HDX: variants seen among roughly 807,000 people sequenced by gnomAD.
The protein encoded by HDX is highly divergent homeobox.
Under a neutral mutation model 45.2 loss-of-function variants are expected in HDX, and 19 were observed. The ratio of observed to expected loss-of-function variants is 0.42; its 90% CI spans 0.29 to 0.62. HDX has a LOEUF of 0.62. Among genes scored for constraint, HDX ranks in the 20% least tolerant of loss-of-function variants. The pLI, the probability that HDX is intolerant of heterozygous loss-of-function variation, is 0.20. For synonymous variants in HDX, 188 were observed against 172.8 expected (o/e 1.09, Z -0.69); for missense variants, 532 against 493.9 (o/e 1.08, Z -0.73).
chrX:84,333,407 C>T (rs6623001), intron 9 of HDX, among the ~76,000 whole-genome samples: 7,305 of 110,771 alleles, frequency 0.066, 356 homozygotes, highest in East Asian at 0.34. Flanking sequence ...ATAAAATTAG[C>T]AAAGTCCACT....
At chrX:84,500,942 A>C in intron 1 of HDX, among the ~76,000 whole-genome samples, 1 of 111,847 alleles carries the variant, frequency 8.9e-6, no homozygotes, top group Non-Finnish European at 1.9e-5. Context: ...GATTTGGGGC[A>C]CAGGTGAAGA....
At chrX:84,366,772 G>C (rs1388302674) in intron 5 of HDX, among the ~76,000 whole-genome samples, 2 of 111,792 alleles carry the variant, frequency 1.8e-5, no homozygotes, top group South Asian at 7.4e-4. Context: ...TTAATAAATG[G>C]TGTTGGGAAA....
At chrX:84,468,153 C>T (rs950317777) in intron 4 of HDX, among the ~76,000 whole-genome samples, 1 of 111,170 alleles carries the variant, frequency 9.0e-6, no homozygotes, top group Non-Finnish European at 1.9e-5. Flanking sequence ...AGATCATGAG[C>T]CCGACCAATT....
chrX:84,345,286 T>C (rs774334499), intron 6 of HDX, among the ~76,000 whole-genome samples: 1 of 111,603 alleles, frequency 9.0e-6, no homozygotes, highest in East Asian at 2.8e-4. Context: ...TCTATGTCCC[T>C]TTATCACACC....
intron 5 of HDX, among the ~76,000 whole-genome samples, chrX:84,400,396 C>T (rs1292899795): frequency 9.2e-6 from 1 of 108,345 alleles, no homozygotes; most frequent in African/African-American, 3.4e-5. Context: ...CACAAGCATT[C>T]ATATACAATA....
chrX:84,385,748 C>A (rs2038303324), intron 5 of HDX, among the ~76,000 whole-genome samples: 1 of 107,371 alleles, frequency 9.3e-6, no homozygotes, highest in Non-Finnish European at 1.9e-5. Context: ...TTCTAGTTGC[C>A]TTTTTTTTAC....
At chrX:84,395,714 T>A in intron 5 of HDX, among the ~76,000 whole-genome samples, 1 of 111,840 alleles carries the variant, frequency 8.9e-6, no homozygotes, top group East Asian at 2.8e-4. Flanking sequence ...CAAATTTGAA[T>A]ATTTGGTCCC....
intron 9 of HDX, among the ~76,000 whole-genome samples, chrX:84,327,210 G>A (rs2036732607): frequency 9.0e-6 from 1 of 111,593 alleles, no homozygotes; most frequent in Admixed American, 9.5e-5. Flanking sequence ...TAAAACAACT[G>A]GACTAATATT....
chrX:84,349,625 A>G (rs1477056117), intron 6 of HDX, among the ~76,000 whole-genome samples: 1 of 96,527 alleles, frequency 1.0e-5, no homozygotes, highest in Non-Finnish European at 2.0e-5. Context: ...ATATATATAT[A>G]TATATAAACA....
intron 9 of HDX, among the ~76,000 whole-genome samples, chrX:84,327,774 TA>T (rs891799879): frequency 8.8e-4 from 98 of 110,987 alleles, no homozygotes; most frequent in African/African-American, 3.2e-3. Context: ...TATGGAACTT[TA>T]AAAAAAAGAA....
At chrX:84,337,130 A>G (rs2036983621) in intron 7 of HDX, among the ~76,000 whole-genome samples, 2 of 110,447 alleles carry the variant, frequency 1.8e-5, no homozygotes, top group African/African-American at 6.6e-5. Flanking sequence ...TGTATCCTTA[A>G]CAATGGAGGA....
At chrX:84,352,555 C>T (rs999627389) in intron 6 of HDX, among the ~76,000 whole-genome samples, 6 of 111,253 alleles carry the variant, frequency 5.4e-5, no homozygotes, top group Non-Finnish European at 1.1e-4. Context: ...TTGGTACAGG[C>T]ATGCAAAGCA....
chrX:84,419,697 A>T (rs1463427063), intron 5 of HDX, among the ~76,000 whole-genome samples: 1 of 112,037 alleles, frequency 8.9e-6, no homozygotes, highest in Non-Finnish European at 1.9e-5. Flanking sequence ...TGGTTACAGC[A>T]GGACTTAGGT....
Position 84,469,148 on chromosome X carries a change from T to G in HDX, c.575A>C (p.His192Pro). ...AGAGTTTCCATAGTTTTTCTTTGCGTGATTGAATACTGAGTTTCCAGCATT... is the reference window on the plus strand; with the variant it reads ...AGAGTTTCCATAGTTTTTCTTTGCGGGATTGAATACTGAGTTTCCAGCATT... The part of the protein sequence containing the change: ...VLNAGNSVFN[H>P]AKKNYGNSSV... Residue 192 changes from histidine to proline, a missense_variant, in exon 4 of 11, where the codon CAC becomes CCC. Transcript: ENST00000373177. 8.3e-7 allele frequency: 1 copy of G among 1,208,238 alleles called. No homozygotes were observed. Among genetic ancestry groups the G allele is most frequent in the East Asian group, 3.0e-5 (1 of 33,750 alleles).
At chrX:84,337,055 G>A (rs1026214501) in intron 7 of HDX, among the ~76,000 whole-genome samples, 175 bp from the exon 8 acceptor site, 26 of 110,804 alleles carry the variant, frequency 2.3e-4, no homozygotes, top group African/African-American at 8.5e-4. Context: ...AAATAAGTAG[G>A]GATGGGGGCA....
chrX:84,434,239 T>G (rs1324149455), intron 5 of HDX, among the ~76,000 whole-genome samples: 1 of 110,846 alleles, frequency 9.0e-6, no homozygotes, highest in Non-Finnish European at 1.9e-5. Flanking sequence ...TTGATAAAAG[T>G]GGGAATCTTT....
chrX:84,460,159 A>G (rs1311462740), intron 4 of HDX, among the ~76,000 whole-genome samples: 1 of 111,783 alleles, frequency 8.9e-6, no homozygotes, highest in Non-Finnish European at 1.9e-5. Context: ...ATAGACGATA[A>G]GAACACACTT....
intron 4 of HDX, among the ~76,000 whole-genome samples, chrX:84,464,867 C>CT (rs1360551330): frequency 9.0e-6 from 1 of 111,725 alleles, no homozygotes; most frequent in African/African-American, 3.3e-5. Flanking sequence ...GCAAAAGAAA[C>CT]TATCATCAGA....
In HDX at chrX:84,355,773, G is replaced by T. The variant is rs189229976; in HGVS notation, c.1452+5693C>A. On this transcript the variant is annotated intron_variant, in intron 6 of 10. Transcript: ENST00000373177. ...TACCTAATGTAAATGACGAGTTAAT[G>T]AGTGCAGCACACCAACATGGCACAA... is the stretch of plus-strand genomic sequence containing the variant. Among the ~76,000 whole-genome samples the T allele has an allele frequency of 4.5e-3, 495 of 109,501 alleles. 1 individual carries two copies. Among genetic ancestry groups the T allele is most frequent in the South Asian group, 0.017 (42 of 2,467 alleles).
Sources: allele counts gnomAD v4.1 joint callset (sites outside exome capture counted in the v4.1 genomes callset), GRCh38; gene constraint gnomAD v4.1.1; transcripts MANE v1.5; gene names NCBI Gene and HGNC (gene_info 2026-07-23, HGNC 2026-07-21).